The following STK32A variants were observed in gnomAD, a reference collection of about 807,000 sequenced individuals.
The protein encoded by STK32A is serine/threonine-protein kinase 32A.
Under a neutral mutation model 53.2 loss-of-function variants are expected in STK32A, and 41 were observed. That is an observed-to-expected ratio of 0.77 (90% CI 0.60 to 1.00). The LOEUF (loss-of-function observed/expected upper bound fraction) is 1.00, where lower values mean the gene tolerates loss of function less well. STK32A is among the 50% of genes least tolerant of loss of function. The pLI is 0.00. For missense variants in STK32A, 458 were observed against 485.8 expected (o/e 0.94, Z 0.54); for synonymous variants, 166 against 162.8 (o/e 1.02, Z -0.15).
intron 4 of STK32A, among the ~76,000 whole-genome samples, chr5:147,287,296 T>C (rs527366616): frequency 7.2e-5 from 11 of 152,290 alleles, no homozygotes; most frequent in African/African-American, 1.2e-4. Flanking sequence ...GCGTCCATTA[T>C]GTTAAGTGGT....
chr5:147,297,311 A>G (rs1443410487), intron 4 of STK32A, among the ~76,000 whole-genome samples: 1 of 152,246 alleles, frequency 6.6e-6, no homozygotes, highest in Non-Finnish European at 1.5e-5. Flanking sequence ...TGCCCCACAG[A>G]TAGAGACAGG....
At chr5:147,373,315 C>T (rs778424485) in intron 10 of STK32A, 21 bp downstream of exon 10, 2 of 1,612,244 alleles carry the variant, frequency 1.2e-6, no homozygotes, top group South Asian at 2.2e-5. Flanking sequence ...CCTAACAAAG[C>T]CAAATAACTC....
chr5:147,343,465 T>G (rs946032458), intron 6 of STK32A, among the ~76,000 whole-genome samples: 1 of 152,244 alleles, frequency 6.6e-6, no homozygotes, highest in Non-Finnish European at 1.5e-5. Context: ...TTGCATCTAC[T>G]TTTTTGCATT....
At chr5:147,388,689 G>C (rs1351521334), downstream of STK32A, among the ~76,000 whole-genome samples, 1 of 152,116 alleles carries the variant, frequency 6.6e-6, no homozygotes, top group Non-Finnish European at 1.5e-5. Flanking sequence ...AAAGTTATTT[G>C]GAACCAGAGG....
intron 6 of STK32A, chr5:147,348,824 T>C: frequency 1.4e-6 from 1 of 712,184 alleles, no homozygotes; most frequent in Non-Finnish European, 2.6e-6. Context: ...GCTTACTTCT[T>C]GCCAAATGCT....
At chr5:147,256,885 T>C (rs1754261301) in intron 2 of STK32A, among the ~76,000 whole-genome samples, 3 of 152,108 alleles carry the variant, frequency 2.0e-5, no homozygotes, top group South Asian at 4.1e-4. Context: ...ACTGTTCCGT[T>C]GTGAGAGGTT....
intron 8 of STK32A, 42 bp from the exon 9 acceptor site, chr5:147,370,612 G>A (rs758715555): frequency 2.3e-6 from 3 of 1,321,418 alleles, no homozygotes; most frequent in South Asian, 2.6e-5. Flanking sequence ...TTTTTCTTTT[G>A]TCCTATACAA....
At chr5:147,381,799 C>G (rs1015509956) in intron 11 of STK32A, among the ~76,000 whole-genome samples, 1 of 152,152 alleles carries the variant, frequency 6.6e-6, no homozygotes, top group East Asian at 1.9e-4. Flanking sequence ...TCTCTCTCTT[C>G]TCCTCCTGGG....
intron 2 of STK32A, among the ~76,000 whole-genome samples, chr5:147,268,927 C>T (rs559776242): frequency 6.6e-6 from 1 of 152,210 alleles, no homozygotes; most frequent in Non-Finnish European, 1.5e-5. Flanking sequence ...AGGTCTTTAC[C>T]CAACTCTGTG....
chr5:147,260,008 CCT>C (rs1334112763), intron 2 of STK32A, among the ~76,000 whole-genome samples: 1 of 142,860 alleles, frequency 7.0e-6, no homozygotes, highest in Non-Finnish European at 1.5e-5. Flanking sequence ...CTTTCTCTCT[CCT>C]CTGTCTCTTT....
At chr5:147,242,460 C>T (rs768821005) in intron 2 of STK32A, among the ~76,000 whole-genome samples, 31 of 152,104 alleles carry the variant, frequency 2.0e-4, no homozygotes, top group Non-Finnish European at 4.4e-4. Context: ...TAAAGTGCCA[C>T]CAAGGAAATG....
the STK32A span, chr5:147,399,271 T>C: frequency 6.2e-7 from 1 of 1,612,084 alleles, no homozygotes; most frequent in South Asian, 1.1e-5. Flanking sequence ...ATATAAGAAA[T>C]TATATCTATA....
chr5:147,366,023 C>T (rs988697280), intron 8 of STK32A, among the ~76,000 whole-genome samples: 11 of 151,596 alleles, frequency 7.3e-5, no homozygotes, highest in African/African-American at 2.7e-4. Context: ...TACTGTTGCT[C>T]CCCAGTGCTA....
chr5:147,272,921 G>A (rs965675850), intron 2 of STK32A, among the ~76,000 whole-genome samples: 2 of 152,212 alleles, frequency 1.3e-5, no homozygotes, highest in Non-Finnish European at 2.9e-5. Flanking sequence ...TACATAAACA[G>A]CAAGGTGTGC....
intron 2 of STK32A, among the ~76,000 whole-genome samples, chr5:147,242,217 G>C (rs1270653476): frequency 6.6e-6 from 1 of 152,154 alleles, no homozygotes; most frequent in African/African-American, 2.4e-5. Flanking sequence ...ATAGCAACAA[G>C]TCTGTGCCTC....
At chr5:147,237,291 C>A (rs1371967104) in intron 1 of STK32A, among the ~76,000 whole-genome samples, 1 of 151,508 alleles carries the variant, frequency 6.6e-6, no homozygotes, top group Admixed American at 6.6e-5. Context: ...CCAGCCTGGG[C>A]AACAGAGCAA....
chr5:147,264,452 A>G (rs1375059517), intron 2 of STK32A, among the ~76,000 whole-genome samples: 2 of 152,210 alleles, frequency 1.3e-5, no homozygotes, highest in East Asian at 3.8e-4. Context: ...ATTGGGAAGG[A>G]GATGTAGAAA....
At chr5:147,400,787 C>A in the STK32A span, 1 of 1,614,202 alleles carries the variant, frequency 6.2e-7, no homozygotes, top group East Asian at 2.2e-5. Context: ...GCTTTCTGGG[C>A]AGTGCTGAAG....
At chr5:147,298,846 A>G (rs1461629440) in intron 4 of STK32A, among the ~76,000 whole-genome samples, 1 of 152,182 alleles carries the variant, frequency 6.6e-6, no homozygotes, top group African/African-American at 2.4e-5. Flanking sequence ...CTTTCAGTAG[A>G]GTTTCAATTC....
Sources: gnomAD v4.1 joint callset for allele counts (sites outside exome capture counted in the v4.1 genomes callset) on GRCh38, gnomAD v4.1.1 for gene constraint, MANE v1.5 for transcripts, NCBI Gene and HGNC (gene_info 2026-07-23, HGNC 2026-07-21) for gene names.